Variants in LRIG1 observed in about 807,000 individuals in gnomAD.
LRIG1 encodes the protein leucine rich repeats and immunoglobulin like domains 1.
In LRIG1, 48 loss-of-function variants were observed where a neutral mutation model predicts 99.2. The observed-to-expected ratio is 0.48, with a 90% confidence interval of 0.38 to 0.62. The LOEUF (loss-of-function observed/expected upper bound fraction) is 0.62. Among genes scored for constraint, LRIG1 ranks in the 20% least tolerant of loss-of-function variants. The pLI, the probability that LRIG1 is intolerant of heterozygous loss-of-function variation, is 0.00. For synonymous variants in LRIG1, 772 were observed against 596.1 expected (o/e 1.29, Z -4.30); for missense variants, 1,646 against 1,434.4 (o/e 1.15, Z -2.38).
chr3:66,452,303 G>A (rs1476595594), intron 2 of LRIG1, among the ~76,000 whole-genome samples: 1 of 152,174 alleles, frequency 6.6e-6, no homozygotes, highest in Non-Finnish European at 1.5e-5. Flanking sequence ...TGCTAAAATA[G>A]TCCAAATATG....
intron 1 of LRIG1, among the ~76,000 whole-genome samples, chr3:66,483,046 A>C (rs1700886073): frequency 6.6e-6 from 1 of 152,218 alleles, no homozygotes; most frequent in Admixed American, 6.5e-5. Context: ...TAACAGATCA[A>C]TAGCACCCCC....
intron 9 of LRIG1, chr3:66,404,349 C>T (rs1055819653): frequency 6.2e-6 from 8 of 1,286,128 alleles, no homozygotes; most frequent in Non-Finnish European, 7.1e-6. Flanking sequence ...CGAGCGGCAG[C>T]CGTCCTCTCT....
intron 3 of LRIG1, among the ~76,000 whole-genome samples, chr3:66,419,324 A>C (rs534666317): frequency 2.2e-4 from 33 of 152,238 alleles, no homozygotes; most frequent in African/African-American, 7.7e-4. Flanking sequence ...CAGTCTTTTC[A>C]TTCGCTGAAT....
intron 17 of LRIG1, among the ~76,000 whole-genome samples, chr3:66,381,160 C>T (rs1701035830): frequency 6.6e-6 from 1 of 152,168 alleles, no homozygotes; most frequent in Admixed American, 6.5e-5. Context: ...GTCTTTTCAA[C>T]AATTAGAAAT....
chr3:66,432,049 G>A (rs973410901), intron 3 of LRIG1, among the ~76,000 whole-genome samples: 2 of 152,200 alleles, frequency 1.3e-5, no homozygotes, highest in African/African-American at 4.8e-5. Flanking sequence ...TAATGAAAAC[G>A]TAGACAATGA....
chr3:66,484,686 G>A (rs987315898), intron 1 of LRIG1, among the ~76,000 whole-genome samples: 3 of 152,148 alleles, frequency 2.0e-5, no homozygotes, highest in Non-Finnish European at 2.9e-5. Flanking sequence ...TGAGGGGCAG[G>A]TGGACAGTAA....
intron 1 of LRIG1, among the ~76,000 whole-genome samples, chr3:66,497,135 C>G (rs1701245949): frequency 6.6e-6 from 1 of 152,208 alleles, no homozygotes; most frequent in African/African-American, 2.4e-5. Context: ...AATGCTCTGT[C>G]ATCTTCACTC....
At chr3:66,472,736 C>G (rs936409170) in intron 1 of LRIG1, among the ~76,000 whole-genome samples, 5 of 152,062 alleles carry the variant, frequency 3.3e-5, no homozygotes, top group South Asian at 2.1e-4. Flanking sequence ...AGAATGAAAC[C>G]TCCAATAATA....
rs113685827 is a variant in LRIG1, at chr3:66,380,483, G to T, written c.3062C>A (p.Ser1021Tyr). ...ATACAACCTTGCTAAAGTCCAGGAA[G>T]AATCCCCTACAAGGAAAGAACGAAC... is the stretch of plus-strand genomic sequence containing the variant. ...PMASLDGKGD[S>Y]SWTLARLYHP... The change falls in exon 19 of 19, where the codon TCT becomes TAT. Residue 1021 changes from serine to tyrosine, a missense_variant. Transcript: ENST00000273261. The T allele has an allele frequency of 3.3e-5, 54 of 1,614,148 alleles. No individual in the cohort carries two copies. In the African/African-American group the frequency reaches 5.6e-4, roughly 17 times the overall value.
At chr3:66,396,305 TTCTTCCACC>T (rs1701847634) in intron 11 of LRIG1, among the ~76,000 whole-genome samples, 1 of 152,204 alleles carries the variant, frequency 6.6e-6, no homozygotes, top group African/African-American at 2.4e-5. Context: ...CCTGCCGCCC[TTCTTCCACC>T]CGTGGAGAGC....
intron 3 of LRIG1, among the ~76,000 whole-genome samples, chr3:66,444,828 A>T (rs1703661945): frequency 6.6e-6 from 1 of 152,190 alleles, no homozygotes; most frequent in Admixed American, 6.5e-5. Context: ...GGAAGTGAAC[A>T]CATCTTTGAA....
chr3:66,466,059 TCTCACTCTGTCACCCAGGCTGGAATG>T (rs1444249377), intron 1 of LRIG1, among the ~76,000 whole-genome samples: 4 of 152,096 alleles, frequency 2.6e-5, no homozygotes, highest in Non-Finnish European at 5.9e-5. Context: ...AGAGACAGGG[TCTCACTCTGTCACCCAGGCTGGAATG>T]CAGTGGTGCA....
intron 3 of LRIG1, among the ~76,000 whole-genome samples, chr3:66,421,892 C>T (rs1575678145): frequency 6.6e-6 from 1 of 152,366 alleles, no homozygotes; most frequent in Non-Finnish European, 1.5e-5. Context: ...GAAATCTAGG[C>T]AGAGGTTCCC....
At chr3:66,437,801 G>A (rs1297671070) in intron 3 of LRIG1, among the ~76,000 whole-genome samples, 1 of 152,146 alleles carries the variant, frequency 6.6e-6, no homozygotes, top group Non-Finnish European at 1.5e-5. Context: ...GTGGCAGAGG[G>A]GAACACAACA....
chr3:66,496,341 G>A (rs1251992199), intron 1 of LRIG1, among the ~76,000 whole-genome samples: 1 of 152,186 alleles, frequency 6.6e-6, no homozygotes, highest in Admixed American at 6.5e-5. Context: ...AGTACTCAAA[G>A]AATAGATATT....
At chr3:66,458,637 G>C (rs1247536287) in intron 2 of LRIG1, among the ~76,000 whole-genome samples, 8 of 152,160 alleles carry the variant, frequency 5.3e-5, no homozygotes, top group African/African-American at 1.7e-4. Flanking sequence ...AGGAGGTGGA[G>C]GCTGCAATGA....
In LRIG1 at chr3:66,500,632, C is replaced by A; in HGVS notation, c.-225G>T. On this transcript the variant is annotated 5_prime_UTR_variant, in exon 1 of 19. Coordinates refer to ENST00000273261, the MANE Select transcript of LRIG1 (RefSeq NM_015541.3). ...CGGGGGCCGCAAACCCCGCGCCCAT[C>A]CGGGCCGGCCGGCCCGCCCGCGCTA... The A allele has an allele frequency of 3.1e-6, 1 of 317,902 alleles. No homozygotes were observed. 19.7% of individuals were successfully genotyped at this position (317,902 alleles called of 1,614,324 possible).
At chr3:66,407,217 A>T in intron 8 of LRIG1, 131 bp downstream of exon 8, 1 of 932,302 alleles carries the variant, frequency 1.1e-6, no homozygotes, top group Non-Finnish European at 1.6e-6. Context: ...CTCTGCACAT[A>T]GAGCAAGCCA....
intron 9 of LRIG1, among the ~76,000 whole-genome samples, chr3:66,401,967 T>C (rs887055434): frequency 1.3e-5 from 2 of 152,126 alleles, no homozygotes; most frequent in African/African-American, 4.8e-5. Context: ...AGCCGCGACA[T>C]GTGCACTAGC....
Sources: gnomAD v4.1 joint callset for allele counts (sites outside exome capture counted in the v4.1 genomes callset) on GRCh38, gnomAD v4.1.1 for gene constraint, MANE v1.5 for transcripts, NCBI Gene and HGNC (gene_info 2026-07-23, HGNC 2026-07-21) for gene names.